SNX11: variants seen among roughly 807,000 people sequenced by gnomAD.
SNX11 encodes the protein sorting nexin 11.
SNX11 carries 19 observed loss-of-function variants against 30.7 expected under a neutral mutation model. The observed-to-expected ratio is 0.62, with a 90% CI of 0.43 to 0.91. The LOEUF is 0.91. Among genes scored for constraint, SNX11 ranks in the 40% least tolerant of loss-of-function variants. The pLI, the probability that SNX11 is intolerant of heterozygous loss-of-function variation, is 0.00. For synonymous variants in SNX11, 112 were observed against 119.0 expected (o/e 0.94, Z 0.38); for missense variants, 302 against 326.7 (o/e 0.92, Z 0.58).
rs1356735823 is a variant in SNX11 at position 48,120,471 on chromosome 17, G to A, written c.540-764G>A. Among the ~76,000 whole-genome samples, 5 of 144,090 alleles carry A rather than the reference G, an allele frequency of 3.5e-5. No individual in the cohort carries two copies. The Admixed American group carries it at 3.5e-4, about 10-fold the overall frequency. 94.5% of individuals were successfully genotyped at this position (144,090 alleles called of 152,430 possible). A position where few individuals can be genotyped will look rare whatever the true frequency, so the allele number is the denominator to read the frequency against. On this transcript the variant is annotated intron_variant, in intron 6 of 6. Coordinates refer to ENST00000359238, the MANE Select transcript of SNX11 (RefSeq NM_013323.3). ...GATCCACCCGTTTCAGCCTCCCAAA[G>A]TGCTGGGATTACAGGTGTGAGCCAT... is the stretch of plus-strand genomic sequence containing the variant.
At chr17:48,121,153 T>C in intron 6 of SNX11, 82 bp from the exon 7 acceptor site, 1 of 1,455,184 alleles carries the variant, frequency 6.9e-7, no homozygotes, top group Non-Finnish European at 9.4e-7. Context: ...CCCTGGCTAA[T>C]TTATTTTTTT....
chr17:48,121,102 C>G (rs1598341737), intron 6 of SNX11, 133 bp from the exon 7 acceptor site: 1 of 933,068 alleles, frequency 1.1e-6, no homozygotes, highest in East Asian at 2.5e-5. Flanking sequence ...CTTCTGGCCT[C>G]AGCTTCCTGA....
intron 4 of SNX11, among the ~76,000 whole-genome samples, chr17:48,114,175 T>C (rs1240454539): frequency 2.6e-5 from 4 of 151,076 alleles, no homozygotes; most frequent in African/African-American, 9.7e-5. Context: ...GTTCTTTTTT[T>C]TTTTTTTTTG....
At chr17:48,112,783 T>G (rs946052450) in intron 3 of SNX11, 123 bp downstream of exon 3, 1 of 509,034 alleles carries the variant, frequency 2.0e-6, no homozygotes, top group Non-Finnish European at 3.4e-6. Flanking sequence ...CAGGCTGGAG[T>G]GCAGTGGTGT....
chr17:48,117,477 G>A (rs893946935), intron 4 of SNX11, among the ~76,000 whole-genome samples: 2 of 151,372 alleles, frequency 1.3e-5, no homozygotes, highest in African/African-American at 2.4e-5. Context: ...GGATGGTCTC[G>A]ATTTTCTGAC....
chr17:48,109,988 GT>G (rs760347299), intron 1 of SNX11, among the ~76,000 whole-genome samples: 21,277 of 97,546 alleles, frequency 0.22, 2,054 homozygotes, highest in Non-Finnish European at 0.31. Flanking sequence ...CACAAAAGAT[GT>G]ATGAGCTCCA....
At chr17:48,119,259 T>C in intron 6 of SNX11, 73 bp downstream of exon 6, 1 of 1,160,036 alleles carries the variant, frequency 8.6e-7, no homozygotes, top group South Asian at 1.2e-5. Context: ...GTCCATTTGT[T>C]AGGGAAAGTA....
rs1040094259 is a variant in SNX11 at position 48,118,322 on chromosome 17, T to G, written c.231-382T>G. Among the ~76,000 whole-genome samples the G allele has an allele frequency of 4.6e-5, 7 of 152,210 alleles. No individual in the cohort carries two copies. The East Asian group carries it at 1.4e-3, about 29-fold the overall frequency. On this transcript the variant is annotated intron_variant, in intron 4 of 6. Coordinates refer to ENST00000359238, the MANE Select transcript of SNX11 (RefSeq NM_013323.3). ...GGGGCCAGGCACGGTGGCTCATGCC[T>G]GTAATCCCAGCACTTTGGGAGGCCG...
In SNX11 at chr17:48,121,687, A is replaced by G; in HGVS notation, c.*179A>G. The G allele has an allele frequency of 1.6e-6, 1 of 628,244 alleles. No homozygotes were observed. The highest frequency in any genetic ancestry group is 2.8e-6 in the Non-Finnish European group (1 of 359,672). 38.9% of individuals were successfully genotyped at this position (628,244 alleles called of 1,614,324 possible). ...AGCCCCTTATGCCTCTTCCATGGGA[A>G]CAAATACTGTGCAGATGTTTGTAAG... On this transcript the variant is annotated 3_prime_UTR_variant, in exon 7 of 7. Coordinates refer to ENST00000359238, the MANE Select transcript of SNX11 (RefSeq NM_013323.3).
chr17:48,119,274 C>T (rs1260442013), intron 6 of SNX11, 88 bp downstream of exon 6: 4 of 1,028,222 alleles, frequency 3.9e-6, no homozygotes, highest in Admixed American at 3.8e-5. Flanking sequence ...AAAGTAATGT[C>T]ATAGCATTGG....
intron 6 of SNX11, among the ~76,000 whole-genome samples, chr17:48,120,830 T>A (rs2063592558): frequency 6.6e-6 from 1 of 151,350 alleles, no homozygotes; most frequent in Admixed American, 6.6e-5. Context: ...TTTTTTAAAT[T>A]GAGATAGGGT....
rs150402479 is a variant in SNX11, at chr17:48,112,813, C to A, written c.129+153C>A. 301 of 374,346 alleles carry A rather than the reference C, an allele frequency of 8.0e-4. 1 individual carries two copies. Among genetic ancestry groups the A allele is most frequent in the African/African-American group, 5.6e-3 (263 of 46,926 alleles). 23.2% of individuals were successfully genotyped at this position (374,346 alleles called of 1,614,324 possible). On this transcript the variant is annotated intron_variant, in intron 3 of 6. Transcript: ENST00000359238. ...TGGTGTGATCTCGGCTTACTGCAAC[C>A]TCCGCCTCCCAGGTTCAAGTGATTC...
At chr17:48,113,877 TG>T (rs1290573141) in intron 4 of SNX11, among the ~76,000 whole-genome samples, 1 of 148,752 alleles carries the variant, frequency 6.7e-6, no homozygotes, top group African/African-American at 2.5e-5. Flanking sequence ...TTTTTTGAGA[TG>T]GAGTCTTGCT....
At chr17:48,120,391 A>G (rs559389176) in intron 6 of SNX11, among the ~76,000 whole-genome samples, 72 of 149,520 alleles carry the variant, frequency 4.8e-4, no homozygotes, top group African/African-American at 1.6e-3. Flanking sequence ...TATTTTTAGT[A>G]GAGATAGGGT....
chr17:48,115,020 A>C (rs2063530519), intron 4 of SNX11, among the ~76,000 whole-genome samples: 1 of 147,762 alleles, frequency 6.8e-6, no homozygotes, highest in Non-Finnish European at 1.5e-5. Flanking sequence ...GGCCTTCCAA[A>C]GTGCTGGGAT....
intron 5 of SNX11, 87 bp downstream of exon 5, chr17:48,118,886 A>C: frequency 2.6e-6 from 4 of 1,554,292 alleles, no homozygotes; most frequent in South Asian, 1.1e-5. Flanking sequence ...CTCCCTGCTC[A>C]GGTAGCCAGA....
chr17:48,117,549 G>A (rs961385799), intron 4 of SNX11, among the ~76,000 whole-genome samples: 34 of 150,482 alleles, frequency 2.3e-4, no homozygotes, highest in Admixed American at 1.2e-3. Flanking sequence ...GAGCCACCGC[G>A]CCTGGCTGTT....
intron 1 of SNX11, among the ~76,000 whole-genome samples, chr17:48,109,264 T>C (rs1284467955): frequency 1.8e-5 from 2 of 110,668 alleles, no homozygotes; most frequent in African/African-American, 5.4e-5. Flanking sequence ...ACTGAAACTT[T>C]CTTTTTTTTT....
chr17:48,120,761 C>T (rs1331993538), intron 6 of SNX11, among the ~76,000 whole-genome samples: 13 of 151,986 alleles, frequency 8.6e-5, no homozygotes, highest in African/African-American at 2.4e-4. Flanking sequence ...CTGCCCACCT[C>T]GGTCTCCCAA....
Sources: gnomAD v4.1 joint callset for allele counts (sites outside exome capture counted in the v4.1 genomes callset) on GRCh38, gnomAD v4.1.1 for gene constraint, MANE v1.5 for transcripts, NCBI Gene and HGNC (gene_info 2026-07-23, HGNC 2026-07-21) for gene names.